Variants in OC90 observed in about 807,000 individuals in gnomAD.
OC90 encodes the protein otoconin-90.
A neutral mutation model predicts 47.3 loss-of-function variants in OC90; 46 were observed. The ratio of observed to expected loss-of-function variants is 0.97; its 90% CI spans 0.77 to 1.24. OC90 has a LOEUF of 1.24. Ranked by LOEUF, OC90 falls within the 50% of genes most tolerant of loss-of-function variation. The pLI is 0.00. For missense variants in OC90, 688 were observed against 583.9 expected, an observed-to-expected ratio of 1.18 and a Z score of -1.84; for synonymous variants, 271 against 219.5, an observed-to-expected ratio of 1.23 and a Z score of -2.07.
chr8:132,055,708 A>G (rs754588648), intron 1 of OC90, among the ~76,000 whole-genome samples: 11 of 152,134 alleles, frequency 7.2e-5, no homozygotes, highest in Admixed American at 3.9e-4. Flanking sequence ...AGTATTTCGA[A>G]TACTTTGTTG....
chr8:132,029,665 G>A (rs934953456), intron 12 of OC90, among the ~76,000 whole-genome samples: 6 of 152,144 alleles, frequency 3.9e-5, no homozygotes, highest in Admixed American at 3.9e-4. Flanking sequence ...AAAGAGCAGA[G>A]TAACCATCCT....
rs1823166517 is a variant in OC90, at chr8:132,048,468, C to T, written c.47-2585G>A. On this transcript the variant is annotated intron_variant, in intron 2 of 13. Coordinates refer to ENST00000254627, the MANE Select transcript of OC90 (RefSeq NM_001080399.3). Reference sequence around the variant, plus strand: ...AGCTGCACTAACCCACCGTGGTCCCCCAAATATGCCGCACATTTTCACAGT... The same window carrying T: ...AGCTGCACTAACCCACCGTGGTCCCTCAAATATGCCGCACATTTTCACAGT... 2.0e-5 allele frequency among the ~76,000 whole-genome samples: 3 copies of T among 151,718 alleles called. No individual in the cohort carries two copies. In the South Asian group the frequency reaches 6.2e-4, roughly 31 times the overall value.
rs754201732 is a variant in OC90, at chr8:132,041,121, G to T, written c.380C>A (p.Ala127Asp). The change falls in exon 6 of 14, where the codon GCC becomes GAC. Residue 127 changes from alanine to aspartate, a missense_variant. Coordinates refer to ENST00000254627, the MANE Select transcript of OC90 (RefSeq NM_001080399.3). ...GTCTTGGAGACAGTCCATCTCAGCG[G>T]CCTCCTCATAGCACCTGCGGTGCTG... The part of the protein sequence containing the change: ...CFQHRRCYEE[A>D]AEMDCLQDPA... 7 of 1,613,786 alleles carry T rather than the reference G, an allele frequency of 4.3e-6. 2 individuals are homozygous for T. The South Asian group carries it at 7.7e-5, about 18-fold the overall frequency.
chr8:132,025,289 GA>G (rs1822740618), intron 13 of OC90, among the ~76,000 whole-genome samples: 1 of 152,194 alleles, frequency 6.6e-6, no homozygotes, highest in South Asian at 2.1e-4. Flanking sequence ...ACAGAGATGA[GA>G]AAATTTCCTA....
At position 132,041,134 on chromosome 8, in the gene OC90, A is replaced by C. The variant is rs1182687990; in HGVS notation, c.367T>G (p.Cys123Gly). The change falls in exon 6 of 14, where the codon TGC becomes GGC. Residue 123 changes from cysteine (C) to glycine (G), a missense_variant. Cys to Gly is a radical substitution (Grantham distance 159). Coordinates refer to ENST00000254627, the MANE Select transcript of OC90 (RefSeq NM_001080399.3). ...SDSCCFQHRR[C>G]YEEAAEMDCL... Reference sequence around the variant, plus strand: ...TCCATCTCAGCGGCCTCCTCATAGCACCTGCGGTGCTGGAAGCAGCAGCTG... The same window carrying C: ...TCCATCTCAGCGGCCTCCTCATAGCCCCTGCGGTGCTGGAAGCAGCAGCTG... The C allele has an allele frequency of 1.2e-6, 2 of 1,613,412 alleles. No homozygotes were observed.
At chr8:132,031,267 A>T (rs937027707) in intron 12 of OC90, among the ~76,000 whole-genome samples, 1 of 152,228 alleles carries the variant, frequency 6.6e-6, no homozygotes, top group Non-Finnish European at 1.5e-5. Context: ...AATCATTGTT[A>T]TATCTCTACC....
At chr8:132,028,589 A>G (rs867367249) in intron 13 of OC90, among the ~76,000 whole-genome samples, 7 of 33,580 alleles carry the variant, frequency 2.1e-4, no homozygotes, top group African/African-American at 4.8e-4. Flanking sequence ...GAAGGAAGGA[A>G]GGAAGGAAGG....
intron 4 of OC90, among the ~76,000 whole-genome samples, chr8:132,041,935 C>T (rs1413004197): frequency 6.6e-6 from 1 of 152,136 alleles, no homozygotes; most frequent in Admixed American, 6.5e-5. Context: ...GAAGGTGAGC[C>T]TTCTACCTAA....
At position 132,024,568 on chromosome 8, in the gene OC90, G is replaced by T. The variant is rs974191847; in HGVS notation, c.1347C>A (p.Asp449Glu). The T allele has an allele frequency of 8.7e-6, 14 of 1,612,764 alleles. No homozygotes were observed. The Admixed American group carries it at 1.0e-4, about 12-fold the overall frequency. The change falls in exon 14 of 14, where the codon GAC (aspartate) becomes GAA (glutamate). Residue 449 changes from aspartate to glutamate, a missense_variant. Physicochemically the swap from Asp to Glu is conservative, Grantham distance 45. Transcript: ENST00000254627. ...CTCTGCCGAGGTCCTCCTGTGGAGG[G>T]TCCTCCTCGCTGTCCTCCTCAGAGC... ...GSSSEEDSEE[D>E]PPQEDLGRAK...
chr8:132,053,977 C>A (rs539020839), intron 2 of OC90, among the ~76,000 whole-genome samples: 87 of 152,326 alleles, frequency 5.7e-4, no homozygotes, highest in African/African-American at 2.0e-3. Context: ...TCACCATGCA[C>A]AGAGACCCTC....
At chr8:132,042,240 AAT>A (rs1388962666) in intron 4 of OC90, among the ~76,000 whole-genome samples, 1 of 152,168 alleles carries the variant, frequency 6.6e-6, no homozygotes, top group Non-Finnish European at 1.5e-5. Flanking sequence ...TTGAAAAAAC[AAT>A]ATGTTCAGGG....
rs758132242 is a variant in OC90, at chr8:132,041,125, C to A, written c.376G>T (p.Glu126Ter). 2 of 1,613,728 alleles carry A rather than the reference C, an allele frequency of 1.2e-6. No individual in the cohort carries two copies. The highest frequency in any genetic ancestry group is 3.3e-5 in the Admixed American group (2 of 60,034). Residue 126 changes from glutamate to a stop codon, truncating the protein, a stop_gained, in exon 6 of 14, where the codon GAG becomes TAG. Transcript: ENST00000254627. LOFTEE classifies it high-confidence loss of function. ...TGGAGACAGTCCATCTCAGCGGCCT[C>A]CTCATAGCACCTGCGGTGCTGGAAG... The part of the protein sequence containing the change: ...CCFQHRRCYE[E>*]AAEMDCLQDP...
At position 132,032,132 on chromosome 8, in the gene OC90, G is replaced by A. The variant is rs1586707306; in HGVS notation, c.860-80C>T. 6 of 1,307,398 alleles carry A rather than the reference G, an allele frequency of 4.6e-6. No homozygotes were observed. In the East Asian group the frequency reaches 1.4e-4, roughly 30 times the overall value. 81.0% of individuals were successfully genotyped at this position (1,307,398 alleles called of 1,614,324 possible). A position where few individuals can be genotyped will look rare whatever the true frequency, so the allele number is the denominator to read the frequency against. ...ACAGGAAGGCCATGTGAGCCTCCGG[G>A]TTGTATGTGGACAACTCTAGTCATG... is the stretch of plus-strand genomic sequence containing the variant. On this transcript the variant is annotated intron_variant, in intron 11 of 13. Coordinates refer to ENST00000254627, the MANE Select transcript of OC90 (RefSeq NM_001080399.3).
intron 2 of OC90, among the ~76,000 whole-genome samples, chr8:132,049,303 C>A (rs779314246): frequency 6.8e-6 from 1 of 146,898 alleles, no homozygotes; most frequent in Non-Finnish European, 1.5e-5. Flanking sequence ...TCTCTAAGAT[C>A]TCCAGCTTCT....
In OC90 at chr8:132,024,491, T is replaced by G; in HGVS notation, c.1424A>C (p.His475Pro). Reference protein sequence around the residue: ...SLGPLGIGPLHGR With the variant: ...SLGPLGIGPLPGR ...ATTTTCTCTGGGCATCTATCTTCCA[T>G]GAAGAGGCCCGATCCCCAAGGGACC... The change falls in exon 14 of 14, where the codon CAT (histidine) becomes CCT (proline). Residue 475 changes from histidine to proline, a missense_variant. Physicochemically the swap from His to Pro is moderately conservative, Grantham distance 77. Coordinates refer to ENST00000254627, the MANE Select transcript of OC90 (RefSeq NM_001080399.3). 1.9e-6 allele frequency: 3 copies of G among 1,551,938 alleles called. No homozygotes were observed. Among genetic ancestry groups the G allele is most frequent in the Non-Finnish European group, 2.6e-6 (3 of 1,148,352 alleles).
At chr8:132,038,381 G>A (rs1425738607) in intron 8 of OC90, among the ~76,000 whole-genome samples, 1 of 152,196 alleles carries the variant, frequency 6.6e-6, no homozygotes, top group Non-Finnish European at 1.5e-5. Flanking sequence ...GGAGGAGGTA[G>A]TGGGTCTGCT....
At chr8:132,050,624 C>T (rs917204410) in intron 2 of OC90, among the ~76,000 whole-genome samples, 1 of 152,182 alleles carries the variant, frequency 6.6e-6, no homozygotes, top group Non-Finnish European at 1.5e-5. Flanking sequence ...CCTCGTTGAG[C>T]CTCACTTTGA....
intron 2 of OC90, among the ~76,000 whole-genome samples, 199 bp from the exon 3 acceptor site, chr8:132,046,082 T>G (rs926968295): frequency 1.3e-5 from 2 of 152,160 alleles, no homozygotes; most frequent in Non-Finnish European, 2.9e-5. Context: ...GAGGTAACCC[T>G]GATGTCTTAT....
intron 13 of OC90, 147 bp downstream of exon 13, chr8:132,028,925 GA>G: frequency 7.0e-6 from 4 of 573,478 alleles, no homozygotes; most frequent in Non-Finnish European, 1.2e-5. Context: ...AGGAAGGAAG[GA>G]AGGGAAGGAA....
Sources: allele counts gnomAD v4.1 joint callset (sites outside exome capture counted in the v4.1 genomes callset), GRCh38; gene constraint gnomAD v4.1.1; transcripts MANE v1.5; gene names NCBI Gene and HGNC (gene_info 2026-07-23, HGNC 2026-07-21).